Variants in SGCD observed in about 807,000 individuals in gnomAD.
SGCD encodes delta-sarcoglycan.
A neutral mutation model predicts 36.6 loss-of-function variants in SGCD; 18 were observed. That is an observed-to-expected ratio of 0.49 (90% confidence interval 0.34 to 0.73). SGCD has a LOEUF of 0.73. Ranked by LOEUF, SGCD falls within the 30% of genes least tolerant of loss-of-function variation. SGCD has a pLI of 0.01. For missense variants in SGCD, 387 were observed against 346.7 expected, an observed-to-expected ratio of 1.12 and a Z score of -0.92; for synonymous variants, 133 against 130.6, an observed-to-expected ratio of 1.02 and a Z score of -0.12.
At chr5:156,443,532 A>C (rs990319371) in intron 3 of SGCD, among the ~76,000 whole-genome samples, 5 of 152,076 alleles carry the variant, frequency 3.3e-5, no homozygotes, top group Middle Eastern at 3.2e-3. Context: ...AGCTGAACTC[A>C]TGATCATCTA....
At chr5:156,745,124 G>C (rs1342053035) in intron 7 of SGCD, among the ~76,000 whole-genome samples, 1 of 152,074 alleles carries the variant, frequency 6.6e-6, no homozygotes, top group East Asian at 1.9e-4. Flanking sequence ...GAGGTGGGGA[G>C]TCTTAGAGAT....
At chr5:156,471,496 C>T (rs952243872) in intron 3 of SGCD, among the ~76,000 whole-genome samples, 1 of 152,068 alleles carries the variant, frequency 6.6e-6, no homozygotes, top group Non-Finnish European at 1.5e-5. Flanking sequence ...CATACATATA[C>T]AGTCAACACA....
intron 2 of SGCD, among the ~76,000 whole-genome samples, chr5:156,122,103 T>C (rs1234564075): frequency 2.0e-5 from 3 of 152,180 alleles, no homozygotes; most frequent in Admixed American, 6.5e-5. Flanking sequence ...ATTCCATAGT[T>C]GTCAAAAATA....
At chr5:156,594,793 A>G (rs1230887808) in intron 5 of SGCD, 139 bp from the exon 6 acceptor site, 3 of 605,800 alleles carry the variant, frequency 5.0e-6, no homozygotes, top group Non-Finnish European at 8.7e-6. Flanking sequence ...TCCACTGAAC[A>G]TTGAAGTCTC....
intron 1 of SGCD, among the ~76,000 whole-genome samples, chr5:155,977,732 C>A (rs1758146239): frequency 6.6e-6 from 1 of 152,084 alleles, no homozygotes; most frequent in Admixed American, 6.5e-5. Context: ...GCCAGGAAAC[C>A]AAGAAAGTGA....
chr5:156,042,637 A>G (rs1759665578), intron 1 of SGCD, among the ~76,000 whole-genome samples: 1 of 152,080 alleles, frequency 6.6e-6, no homozygotes, highest in African/African-American at 2.4e-5. Context: ...GGATGCAATC[A>G]TAGGGTTGTG....
At chr5:155,984,915 C>A (rs28430967) in intron 1 of SGCD, among the ~76,000 whole-genome samples, 1 of 152,332 alleles carries the variant, frequency 6.6e-6, no homozygotes, top group South Asian at 2.1e-4. Context: ...CACACAGGAG[C>A]AGATCCTGTT....
At chr5:155,820,630 A>G in the SGCD span, among the ~76,000 whole-genome samples, 2 of 152,160 alleles carry the variant, frequency 1.3e-5, no homozygotes, top group Non-Finnish European at 2.9e-5. Flanking sequence ...CCAGGAGGTC[A>G]AGGCGGCAGT....
chr5:156,150,059 C>T (rs1357593718), intron 3 of SGCD, among the ~76,000 whole-genome samples: 1 of 152,142 alleles, frequency 6.6e-6, no homozygotes, highest in Non-Finnish European at 1.5e-5. Flanking sequence ...GGCATCTCTT[C>T]TCTGTCTAAA....
chr5:156,516,244 T>C lies in SGCD; in HGVS notation c.294+7542T>C, dbSNP rs556326088. 5.9e-5 allele frequency among the ~76,000 whole-genome samples: 9 copies of C among 152,198 alleles called. No homozygotes were observed. In the East Asian group the frequency reaches 7.7e-4, roughly 13 times the overall value. On this transcript the variant is annotated intron_variant, in intron 4 of 8. Transcript: ENST00000337851. ...AGACCCCCCACACACACACCCCCAATAGGGGTTGCCAGATATTTTATGCAA... is the reference window on the plus strand; with the variant it reads ...AGACCCCCCACACACACACCCCCAACAGGGGTTGCCAGATATTTTATGCAA...
At chr5:156,221,268 A>G (rs1027719058) in intron 3 of SGCD, among the ~76,000 whole-genome samples, 3 of 152,110 alleles carry the variant, frequency 2.0e-5, no homozygotes, top group Non-Finnish European at 4.4e-5. Context: ...AGAAGGTGAG[A>G]CGGTACAATT....
At chr5:156,535,050 C>T (rs948587102) in intron 4 of SGCD, among the ~76,000 whole-genome samples, 3 of 152,200 alleles carry the variant, frequency 2.0e-5, no homozygotes, top group Non-Finnish European at 4.4e-5. Context: ...ACCTTCTGAG[C>T]TGAAGCCAAT....
intron 7 of SGCD, among the ~76,000 whole-genome samples, chr5:156,691,283 C>A (rs1279786381): frequency 6.8e-6 from 1 of 147,058 alleles, no homozygotes; most frequent in East Asian, 2.0e-4. Flanking sequence ...CTACTAGGTA[C>A]ATGTGGCTAT....
At chr5:155,966,683 G>T (rs772703589) in intron 1 of SGCD, among the ~76,000 whole-genome samples, 2 of 152,068 alleles carry the variant, frequency 1.3e-5, no homozygotes, top group African/African-American at 2.4e-5. Context: ...TTCTAAAATG[G>T]AAGTGATAAT....
intron 6 of SGCD, among the ~76,000 whole-genome samples, chr5:156,617,857 TC>T (rs1308884351): frequency 7.0e-6 from 1 of 141,918 alleles, no homozygotes; most frequent in Admixed American, 6.7e-5. Flanking sequence ...CCTGTGCTTT[TC>T]CTCACCCACT....
the SGCD span, among the ~76,000 whole-genome samples, chr5:155,736,205 G>A: frequency 3.3e-5 from 5 of 152,084 alleles, no homozygotes; most frequent in African/African-American, 4.8e-5. Context: ...GTAATATATC[G>A]CACATGCTCC....
At chr5:156,106,258 G>T (rs569219299) in intron 1 of SGCD, among the ~76,000 whole-genome samples, 2 of 151,792 alleles carry the variant, frequency 1.3e-5, no homozygotes, top group South Asian at 4.2e-4. Flanking sequence ...TAAATGGAAA[G>T]TTTAGCAAAT....
At chr5:156,580,411 G>A (rs1014394978) in intron 4 of SGCD, among the ~76,000 whole-genome samples, 2 of 152,150 alleles carry the variant, frequency 1.3e-5, no homozygotes, top group Non-Finnish European at 2.9e-5. Context: ...TCTTCTTGAG[G>A]AGTATCTTTG....
At chr5:156,467,859 C>T (rs1754782885) in intron 3 of SGCD, among the ~76,000 whole-genome samples, 1 of 152,154 alleles carries the variant, frequency 6.6e-6, no homozygotes, top group South Asian at 2.1e-4. Context: ...GTTTAGTTCA[C>T]ATCAACTTTG....
Sources: allele counts gnomAD v4.1 joint callset (sites outside exome capture counted in the v4.1 genomes callset), GRCh38; gene constraint gnomAD v4.1.1; transcripts MANE v1.5; gene names NCBI Gene and HGNC (gene_info 2026-07-23, HGNC 2026-07-21).